Variants in TLL1 observed in about 807,000 individuals in gnomAD.
TLL1 encodes tolloid-like protein 1.
Under a neutral mutation model 128.2 loss-of-function variants are expected in TLL1, and 49 were observed. The ratio of observed to expected loss-of-function variants is 0.38; its 90% CI spans 0.30 to 0.48. The LOEUF is 0.48. TLL1 is among the 20% of genes least tolerant of loss of function. The pLI, the probability that TLL1 is intolerant of heterozygous loss-of-function variation, is 0.96. For missense variants in TLL1, 1,123 were observed against 1,242.0 expected (o/e 0.90, Z 1.44); for synonymous variants, 454 against 418.8 (o/e 1.08, Z -1.03).
At chr4:166,091,700 G>T (rs1029264925) in intron 19 of TLL1, among the ~76,000 whole-genome samples, 1 of 152,018 alleles carries the variant, frequency 6.6e-6, no homozygotes, top group Non-Finnish European at 1.5e-5. Flanking sequence ...TCTATGGCTT[G>T]TTATTAAAAA....
At chr4:166,012,180 G>A (rs1355128179) in intron 7 of TLL1, among the ~76,000 whole-genome samples, 1 of 151,480 alleles carries the variant, frequency 6.6e-6, no homozygotes, top group Non-Finnish European at 1.5e-5. Flanking sequence ...CTCTTTCAAT[G>A]TAGTTAGAAC....
At position 166,101,720 on chromosome 4, in the gene TLL1, T is replaced by C. The variant is rs1367085421; in HGVS notation, c.*844T>C. 6.6e-6 allele frequency: 1 copy of C among 152,500 alleles called. No individual in the cohort carries two copies. Among genetic ancestry groups the C allele is most frequent in the East Asian group, 1.9e-4 (1 of 5,160 alleles). 9.4% of individuals were successfully genotyped at this position (152,500 alleles called of 1,614,324 possible). ...CGAAGAGGTGTGAGCAGGATTCTTC[T>C]GAATGACTGTCTGGATGGTTCATTA... On this transcript the variant is annotated 3_prime_UTR_variant, in exon 21 of 21. Coordinates refer to ENST00000061240, the MANE Select transcript of TLL1 (RefSeq NM_012464.5).
chr4:165,985,002 T>C (rs891494181), intron 1 of TLL1, among the ~76,000 whole-genome samples: 4 of 152,022 alleles, frequency 2.6e-5, no homozygotes, highest in African/African-American at 9.7e-5. Flanking sequence ...ACACAACTTA[T>C]ACTCCAATTC....
intron 1 of TLL1, among the ~76,000 whole-genome samples, chr4:165,956,041 AG>A (rs886215463): frequency 3.9e-5 from 6 of 152,214 alleles, no homozygotes; most frequent in African/African-American, 1.2e-4. Context: ...GGTGTAAAAC[AG>A]GGAGTAGATA....
intron 1 of TLL1, among the ~76,000 whole-genome samples, chr4:165,927,503 G>A (rs182959517): frequency 6.6e-6 from 1 of 152,282 alleles, no homozygotes; most frequent in East Asian, 1.9e-4. Flanking sequence ...AAAAATGTAA[G>A]AGGATTAAGC....
At chr4:165,967,551 G>C (rs911315352) in intron 1 of TLL1, among the ~76,000 whole-genome samples, 1 of 152,176 alleles carries the variant, frequency 6.6e-6, no homozygotes, top group Non-Finnish European at 1.5e-5. Context: ...TGGGGTTCCT[G>C]ACTGCCCACA....
intron 12 of TLL1, among the ~76,000 whole-genome samples, chr4:166,051,327 T>TTCC (rs1560836757): frequency 2.3e-4 from 23 of 101,892 alleles, no homozygotes; most frequent in African/African-American, 7.0e-4. Context: ...TCCTTCCTTC[T>TTCC]TTCCTTCCTC....
At chr4:165,943,949 T>C (rs1328757569) in intron 1 of TLL1, among the ~76,000 whole-genome samples, 4 of 152,142 alleles carry the variant, frequency 2.6e-5, no homozygotes, top group Non-Finnish European at 4.4e-5. Context: ...ACATTTTTAG[T>C]AGTTTCAGAT....
chr4:165,953,627 C>CAT (rs55874624), intron 1 of TLL1, among the ~76,000 whole-genome samples: 370 of 146,596 alleles, frequency 2.5e-3, no homozygotes, highest in South Asian at 0.011. Context: ...TTTGCTCTGT[C>CAT]ATATATATAT....
chr4:165,902,916 G>T (rs1163483550), intron 1 of TLL1, among the ~76,000 whole-genome samples: 8 of 152,198 alleles, frequency 5.3e-5, no homozygotes, highest in African/African-American at 1.9e-4. Flanking sequence ...GAAAATGTTT[G>T]TGACTTTCAG....
intron 18 of TLL1, among the ~76,000 whole-genome samples, chr4:166,084,088 C>T (rs1048462824): frequency 1.3e-5 from 2 of 151,966 alleles, no homozygotes; most frequent in Non-Finnish European, 2.9e-5. Flanking sequence ...TTCTAGCAGG[C>T]GTGGGGTGAT....
At chr4:166,046,969 G>A in intron 12 of TLL1, among the ~76,000 whole-genome samples, 1 of 151,792 alleles carries the variant, frequency 6.6e-6, no homozygotes, top group Non-Finnish European at 1.5e-5. Flanking sequence ...TCAATTATCT[G>A]TTTATATCAA....
chr4:165,889,272 G>A (rs1731292563), intron 1 of TLL1, among the ~76,000 whole-genome samples: 1 of 152,038 alleles, frequency 6.6e-6, no homozygotes, highest in African/African-American at 2.4e-5. Context: ...ATAACCCTAA[G>A]GTCCTCTCTG....
At chr4:166,040,886 A>G (rs1160274070) in intron 10 of TLL1, among the ~76,000 whole-genome samples, 1 of 152,212 alleles carries the variant, frequency 6.6e-6, no homozygotes, top group Non-Finnish European at 1.5e-5. Flanking sequence ...TATGTATGCC[A>G]TTTCCAGAGA....
At chr4:165,988,375 T>G (rs1256015833) in intron 1 of TLL1, among the ~76,000 whole-genome samples, 1 of 152,100 alleles carries the variant, frequency 6.6e-6, no homozygotes, top group Non-Finnish European at 1.5e-5. Context: ...TTTGGGAGGC[T>G]GAGGCAGGAG....
intron 1 of TLL1, among the ~76,000 whole-genome samples, chr4:165,956,256 G>A (rs923702302): frequency 2.0e-5 from 3 of 151,972 alleles, no homozygotes; most frequent in Admixed American, 6.6e-5. Flanking sequence ...TAGAAAACAG[G>A]GTTCGAGAGC....
intron 11 of TLL1, 63 bp downstream of exon 11, chr4:166,042,206 T>G: frequency 9.3e-7 from 1 of 1,077,848 alleles, no homozygotes; most frequent in Non-Finnish European, 1.4e-6. Flanking sequence ...GTTCGTTTCT[T>G]AATTTCATTA....
rs1011281478 is a variant in TLL1 at position 165,912,478 on chromosome 4, T to G, written c.169+38405T>G. ...TGAACAGCTCTCAAACCTGCCAGAG[T>G]ATTAGAAGCACCTGGAGAAATTTCT... On this transcript the variant is annotated intron_variant, in intron 1 of 20. Transcript: ENST00000061240. Among the ~76,000 whole-genome samples the G allele has an allele frequency of 7.9e-5, 12 of 152,084 alleles. 1 individual carries two copies. Among genetic ancestry groups the G allele is most frequent in the South Asian group, 4.1e-4 (2 of 4,824 alleles).
At chr4:166,086,953 A>G (rs1741546371) in intron 18 of TLL1, among the ~76,000 whole-genome samples, 1 of 152,190 alleles carries the variant, frequency 6.6e-6, no homozygotes, top group South Asian at 2.1e-4. Context: ...TTTAAAATAC[A>G]AAGAAATTGC....
Sources: allele counts gnomAD v4.1 joint callset (sites outside exome capture counted in the v4.1 genomes callset), GRCh38; gene constraint gnomAD v4.1.1; transcripts MANE v1.5; gene names NCBI Gene and HGNC (gene_info 2026-07-23, HGNC 2026-07-21).